PCAT7: variants seen among roughly 807,000 people sequenced by gnomAD.
The protein encoded by PCAT7 is prostate cancer associated transcript 7, also known as prostate cancer associated transcript 7 (non-protein coding).
chr9:94,566,807 T>C (rs899036402), intron 2 of PCAT7, among the ~76,000 whole-genome samples: 2 of 152,264 alleles, frequency 1.3e-5, no homozygotes, highest in African/African-American at 4.8e-5. Flanking sequence ...CAAAAGCATC[T>C]GAACTTGATG....
At chr9:94,565,289 C>T (rs955124281) in intron 2 of PCAT7, among the ~76,000 whole-genome samples, 10 of 147,888 alleles carry the variant, frequency 6.8e-5, no homozygotes, top group African/African-American at 2.3e-4. Context: ...GCAGGAGAAT[C>T]GCTTGAACCA....
chr9:94,567,954 C>G (rs1827216467), intron 2 of PCAT7: 1 of 152,326 alleles, frequency 6.6e-6, no homozygotes, highest in Admixed American at 6.5e-5. Flanking sequence ...TGGTGAAACC[C>G]CGTCTTTACT....
chr9:94,558,977 T>C (rs201920908), exon 2 of PCAT7: 193 of 1,613,958 alleles, frequency 1.2e-4, no homozygotes, highest in Non-Finnish European at 1.1e-4. Context: ...AGGTGAGATA[T>C]TCCTGCACAT....
chr9:94,558,444 G>A (rs10761334), intron 1 of PCAT7, among the ~76,000 whole-genome samples: 66,897 of 151,692 alleles, frequency 0.44, 15,619 homozygotes, highest in Admixed American at 0.54. Flanking sequence ...ACAGGCGCCC[G>A]CCACCACGCC....
chr9:94,555,168 T>C (rs1367005255), exon 1 of PCAT7: 1 of 152,268 alleles, frequency 6.6e-6, no homozygotes, highest in Non-Finnish European at 1.5e-5. Context: ...CGTGTGTTTC[T>C]ATTGAGCTGC....
At chr9:94,569,352 T>C (rs1248639660) in intron 2 of PCAT7, 1 of 152,256 alleles carries the variant, frequency 6.6e-6, no homozygotes. Flanking sequence ...GGTCCTCAGC[T>C]TTCCCATCAA....
At chr9:94,574,352 T>C (rs1328456927) in intron 3 of PCAT7, among the ~76,000 whole-genome samples, 1 of 152,212 alleles carries the variant, frequency 6.6e-6, no homozygotes, top group Non-Finnish European at 1.5e-5. Context: ...TTCAACTTTG[T>C]CAATTTGACA....
chr9:94,567,383 C>A (rs758195538), intron 2 of PCAT7: 17 of 1,613,944 alleles, frequency 1.1e-5, no homozygotes, highest in Admixed American at 3.3e-5. Flanking sequence ...ACATCTTTTT[C>A]CACCAGGACA....
chr9:94,555,594 A>C (rs1404126739), intron 1 of PCAT7, among the ~76,000 whole-genome samples: 11 of 147,888 alleles, frequency 7.4e-5, no homozygotes, highest in Non-Finnish European at 1.6e-4. Context: ...AGGGGGGGAA[A>C]ATGGGCGAGC....
At chr9:94,563,382 A>G in intron 2 of PCAT7, 1 of 1,614,130 alleles carries the variant, frequency 6.2e-7, no homozygotes, top group South Asian at 1.1e-5. Flanking sequence ...GTACAGGAAG[A>G]TTCCTCCATA....
exon 1 of PCAT7, chr9:94,555,116 T>A (rs1330319924): frequency 6.6e-6 from 1 of 151,804 alleles, no homozygotes; most frequent in Non-Finnish European, 1.5e-5. Context: ...GAGTTACGTT[T>A]TTTTTGTTGT....
At chr9:94,554,793 A>AGCTCCAG (rs796798447), upstream of PCAT7, among the ~76,000 whole-genome samples, 46 of 152,160 alleles carry the variant, frequency 3.0e-4, 1 homozygote, top group African/African-American at 9.4e-4. Context: ...CCAGGCTCCA[A>AGCTCCAG]GCTCCAGGCT....
At chr9:94,571,351 TC>T (rs1827266408) in intron 2 of PCAT7, 2 of 1,172,508 alleles carry the variant, frequency 1.7e-6, no homozygotes, top group South Asian at 4.5e-5. Context: ...GGACCCCTGG[TC>T]CCCAAAACAA....
At chr9:94,573,102 AT>A (rs1226838348) in intron 3 of PCAT7, 1 of 152,154 alleles carries the variant, frequency 6.6e-6, no homozygotes, top group East Asian at 1.9e-4. Context: ...AACTTTCAGG[AT>A]TACATATGTT....
rs1827209718 is a variant in PCAT7 at position 94,567,562 on chromosome 9, G to T, written n.442-5417G>T. The T allele has an allele frequency of 6.4e-6, 5 of 778,902 alleles. No homozygotes were observed. The Admixed American group carries it at 8.1e-5, about 13-fold the overall frequency. 48.2% of individuals were successfully genotyped at this position (778,902 alleles called of 1,614,324 possible). ...TGAACCTGCTCTTTGGTGTTTTCAT[G>T]AGTGGTGGGAAGAATAGGGACCATA... On this transcript the variant is annotated intron_variant and non_coding_transcript_variant, in intron 2 of 8. Coordinates refer to ENST00000647389, the Ensembl canonical transcript of PCAT7.
At chr9:94,558,697 C>A in intron 1 of PCAT7, 11 of 472,914 alleles carry the variant, frequency 2.3e-5, no homozygotes, top group Non-Finnish European at 4.2e-5. Context: ...CTGTTTCTGA[C>A]AGAAGACAAG....
intron 2 of PCAT7, among the ~76,000 whole-genome samples, chr9:94,565,290 G>A (rs746529707): frequency 2.0e-5 from 3 of 147,866 alleles, no homozygotes; most frequent in Non-Finnish European, 3.0e-5. Context: ...CAGGAGAATC[G>A]CTTGAACCAG....
intron 2 of PCAT7, chr9:94,563,390 A>G (rs1410571544): frequency 1.2e-6 from 2 of 1,614,134 alleles, no homozygotes; most frequent in Non-Finnish European, 1.7e-6. Flanking sequence ...AGATTCCTCC[A>G]TAGACCAGGG....
At chr9:94,571,914 A>G (rs1413975939) in intron 2 of PCAT7, among the ~76,000 whole-genome samples, 1 of 152,150 alleles carries the variant, frequency 6.6e-6, no homozygotes, top group Non-Finnish European at 1.5e-5. Flanking sequence ...TTCCCAAGCC[A>G]CGATACTCAC....
Sources: allele counts gnomAD v4.1 joint callset (sites outside exome capture counted in the v4.1 genomes callset), GRCh38; gene constraint gnomAD v4.1.1; transcripts MANE v1.5; gene names NCBI Gene and HGNC (gene_info 2026-07-23, HGNC 2026-07-21).